Variants in PKP4 observed in about 807,000 individuals in gnomAD.
PKP4 encodes the protein plakophilin 4, also known as plakophilin-4.
In PKP4, 90 loss-of-function variants were observed where a neutral mutation model predicts 145.1. That is an observed-to-expected ratio of 0.62 (90% confidence interval 0.52 to 0.74). The LOEUF is 0.74. PKP4 is among the 30% of genes least tolerant of loss of function. PKP4 has a pLI of 0.00. For synonymous variants in PKP4, 563 were observed against 577.2 expected (o/e 0.98, Z 0.35); for missense variants, 1,340 against 1,482.7 (o/e 0.90, Z 1.58).
At chr2:158,559,256 G>A (rs992442538) in intron 2 of PKP4, among the ~76,000 whole-genome samples, 12 of 152,058 alleles carry the variant, frequency 7.9e-5, no homozygotes, top group Non-Finnish European at 1.6e-4. Flanking sequence ...CCCATAGCTT[G>A]CTCTGTGGTG....
chr2:158,606,353 T>C (rs1368317618), intron 4 of PKP4, among the ~76,000 whole-genome samples: 2 of 149,778 alleles, frequency 1.3e-5, no homozygotes, highest in East Asian at 3.9e-4. Flanking sequence ...AAAAAAATAA[T>C]AATAAAATAA....
At chr2:158,526,163 C>A (rs1438721350) in intron 1 of PKP4, among the ~76,000 whole-genome samples, 1 of 138,112 alleles carries the variant, frequency 7.2e-6, no homozygotes, top group African/African-American at 2.7e-5. Context: ...ATACCAAAGC[C>A]GGGCAGAGAC....
chr2:158,542,095 GAA>G (rs1192460761), intron 2 of PKP4, among the ~76,000 whole-genome samples: 1 of 152,096 alleles, frequency 6.6e-6, no homozygotes, highest in East Asian at 1.9e-4. Context: ...ATGCCCAACT[GAA>G]GAGTCAAGTA....
At chr2:158,585,623 A>C (rs2048735808) in intron 3 of PKP4, among the ~76,000 whole-genome samples, 2 of 152,212 alleles carry the variant, frequency 1.3e-5, no homozygotes, top group South Asian at 2.1e-4. Flanking sequence ...GAATCTTTGA[A>C]TAGATTGAAT....
chr2:158,601,402 A>G (rs978289698), intron 3 of PKP4, among the ~76,000 whole-genome samples: 6 of 152,212 alleles, frequency 3.9e-5, no homozygotes, highest in African/African-American at 1.2e-4. Flanking sequence ...GTTGGGTAAT[A>G]CCAATCTCAG....
At chr2:158,574,011 A>G (rs1299216790) in intron 2 of PKP4, among the ~76,000 whole-genome samples, 2 of 152,212 alleles carry the variant, frequency 1.3e-5, no homozygotes, top group African/African-American at 2.4e-5. Flanking sequence ...TGGGCAGTGT[A>G]GCTCTGTCTA....
intron 1 of PKP4, among the ~76,000 whole-genome samples, chr2:158,468,616 G>A (rs1034687225): frequency 1.2e-4 from 18 of 152,062 alleles, no homozygotes; most frequent in African/African-American, 4.4e-4. Context: ...TAACAGGCAA[G>A]GTGAGGATGT....
intron 1 of PKP4, among the ~76,000 whole-genome samples, chr2:158,493,554 C>T (rs1332880158): frequency 1.3e-5 from 2 of 152,188 alleles, no homozygotes; most frequent in Non-Finnish European, 2.9e-5. Context: ...CCAGGCTGGA[C>T]TGGTTGCTCT....
chr2:158,634,151 C>T lies in PKP4; in HGVS notation c.1424C>T (p.Thr475Ile). Reference sequence around the variant, plus strand: ...AGAAATAATTATGCTCTGAACACAACAGCTACCTACGCGGAGCCCTACAGG... The same window carrying T: ...AGAAATAATTATGCTCTGAACACAATAGCTACCTACGCGGAGCCCTACAGG... ...YQRNNYALNT[T>I]ATYAEPYRPI... The change falls in exon 9 of 22, where the codon ACA (threonine) becomes ATA (isoleucine). Residue 475 changes from threonine to isoleucine, a missense_variant. Coordinates refer to ENST00000389759, the MANE Select transcript of PKP4 (RefSeq NM_003628.6). 1 of 1,614,014 alleles carries T rather than the reference C, an allele frequency of 6.2e-7. No individual in the cohort carries two copies. Among genetic ancestry groups the T allele is most frequent in the Non-Finnish European group, 8.5e-7 (1 of 1,179,892 alleles).
intron 1 of PKP4, among the ~76,000 whole-genome samples, chr2:158,486,501 T>C (rs1214229656): frequency 6.6e-6 from 1 of 152,206 alleles, no homozygotes; most frequent in Non-Finnish European, 1.5e-5. Flanking sequence ...CCATAAGACC[T>C]ACAGATATTA....
At chr2:158,620,015 C>A (rs2052047569) in intron 4 of PKP4, among the ~76,000 whole-genome samples, 1 of 151,996 alleles carries the variant, frequency 6.6e-6, no homozygotes, top group African/African-American at 2.4e-5. Flanking sequence ...CAGAGGGAGA[C>A]AGGGAGGGAG....
intron 11 of PKP4, among the ~76,000 whole-genome samples, chr2:158,645,171 A>G (rs1204102839): frequency 6.6e-6 from 1 of 152,208 alleles, no homozygotes; most frequent in Non-Finnish European, 1.5e-5. Context: ...CATCTGCCTT[A>G]ATGTATTTTG....
intron 1 of PKP4, among the ~76,000 whole-genome samples, chr2:158,506,162 A>G (rs1017775700): frequency 8.5e-5 from 13 of 152,218 alleles, no homozygotes; most frequent in Admixed American, 7.2e-4. Context: ...TCCCAGAAGC[A>G]AGACTGTGGA....
intron 17 of PKP4, among the ~76,000 whole-genome samples, chr2:158,672,583 A>G (rs552978469): frequency 7.7e-4 from 118 of 152,284 alleles, no homozygotes; most frequent in African/African-American, 2.6e-3. Context: ...TGCTCCCCCA[A>G]ATCTGTCTTC....
intron 2 of PKP4, among the ~76,000 whole-genome samples, chr2:158,534,571 T>C (rs1990815): frequency 0.4 from 60,444 of 152,030 alleles, 12,776 homozygotes; most frequent in East Asian, 0.67. Flanking sequence ...CCCACGGAGC[T>C]GTTAAGATGA....
At chr2:158,620,052 A>C (rs1171949145) in intron 4 of PKP4, among the ~76,000 whole-genome samples, 1 of 152,186 alleles carries the variant, frequency 6.6e-6, no homozygotes, top group Non-Finnish European at 1.5e-5. Flanking sequence ...TTAAATCCTT[A>C]GGATTGTATG....
intron 19 of PKP4, among the ~76,000 whole-genome samples, chr2:158,675,054 A>T (rs184154536): frequency 6.6e-6 from 1 of 152,220 alleles, no homozygotes; most frequent in African/African-American, 2.4e-5. Context: ...GGTTTTTAAC[A>T]TCCTTGCTAA....
chr2:158,679,406 AAG>A (rs1378573709), intron 21 of PKP4: 1 of 152,216 alleles, frequency 6.6e-6, no homozygotes, highest in African/African-American at 2.4e-5. Context: ...GTGGAAGAAA[AAG>A]AACTTTCCAA....
At chr2:158,540,665 TAAACAGGC>T (rs2044437620) in intron 2 of PKP4, among the ~76,000 whole-genome samples, 3 of 152,184 alleles carry the variant, frequency 2.0e-5, no homozygotes, top group Non-Finnish European at 4.4e-5. Context: ...CCTTTTAGTT[TAAACAGGC>T]TATCAGTATG....
Sources: allele counts gnomAD v4.1 joint callset (sites outside exome capture counted in the v4.1 genomes callset), GRCh38; gene constraint gnomAD v4.1.1; transcripts MANE v1.5; gene names NCBI Gene and HGNC (gene_info 2026-07-23, HGNC 2026-07-21).